NCOR2: variants seen among roughly 807,000 people sequenced by gnomAD.
NCOR2 encodes the protein nuclear receptor corepressor 2.
In NCOR2, 81 loss-of-function variants were observed where a neutral mutation model predicts 262.9. That is an observed-to-expected ratio of 0.31 (90% confidence interval 0.26 to 0.37). The LOEUF (loss-of-function observed/expected upper bound fraction) is 0.37. NCOR2 is among the 10% of genes least tolerant of loss of function. The probability of loss-of-function intolerance (pLI) is 1.00; values close to 1 mark genes in which losing one functional copy is unlikely to be tolerated. For synonymous variants in NCOR2, 1,659 were observed against 1,559.3 expected, an observed-to-expected ratio of 1.06 and a Z score of -1.51; for missense variants, 3,385 against 3,621.4, an observed-to-expected ratio of 0.93 and a Z score of 1.68.
rs370010899 is a variant in NCOR2 at position 124,473,109 on chromosome 12, A to C, written c.434T>G (p.Leu145Arg). 1.6e-5 allele frequency: 26 copies of C among 1,613,876 alleles called. No individual in the cohort carries two copies. The African/African-American group carries it at 2.9e-4, about 18-fold the overall frequency. Residue 145 changes from leucine (L) to arginine (R), a missense_variant, in exon 4 of 47, where the codon CTG becomes CGG. Transcript: ENST00000405201. ...GGGGCTGGGGGGAGACACCGGTTCCAGCTTGCCCGTCAGGCTACGGTCCTG... is the reference window on the plus strand; with the variant it reads ...GGGGCTGGGGGGAGACACCGGTTCCCGCTTGCCCGTCAGGCTACGGTCCTG...
In NCOR2 at chr12:124,482,443, G is replaced by A. The variant is rs772997273; in HGVS notation, c.411+1153C>T. 1.3e-5 allele frequency among the ~76,000 whole-genome samples: 2 copies of A among 152,154 alleles called. No homozygotes were observed. Among genetic ancestry groups the A allele is most frequent in the African/African-American group, 4.8e-5 (2 of 41,434 alleles). On this transcript the variant is annotated intron_variant, in intron 3 of 46. Transcript: ENST00000405201. The surrounding 1 kb of genome is among the most constrained non-coding windows in gnomAD (Gnocchi z 6.3). Reference sequence around the variant, plus strand: ...TATCCTCTCTCCCCGAGAGAAGGCCGAGTCTGGCCCAGGTGGCCTGGCCCC... The same window carrying A: ...TATCCTCTCTCCCCGAGAGAAGGCCAAGTCTGGCCCAGGTGGCCTGGCCCC...
intron 43 of NCOR2, among the ~76,000 whole-genome samples, 170 bp from the exon 46 acceptor site, chr12:124,331,068 T>C (rs1401723921): frequency 1.3e-5 from 2 of 151,036 alleles, no homozygotes; most frequent in African/African-American, 2.4e-5. Flanking sequence ...CATTTCTTTT[T>C]TTTTTTTTTT....
chr12:124,404,910 G>A (rs756285275), intron 13 of NCOR2, among the ~76,000 whole-genome samples: 8 of 152,230 alleles, frequency 5.3e-5, no homozygotes, highest in Non-Finnish European at 8.8e-5. Flanking sequence ...AGTGATCACT[G>A]GTCACATTCT....
chr12:124,417,086 G>GTCACTCCACGGAGAGCAGACCAGACAC (rs1565923825), intron 13 of NCOR2, among the ~76,000 whole-genome samples: 4,770 of 103,004 alleles, frequency 0.046, 504 homozygotes, highest in African/African-American at 0.11. Context: ...AGGCCGGACA[G>GTCACTCCACGGAGAGCAGACCAGACAC]TCACTCCACG....
rs199934660 is a variant in NCOR2 at position 124,429,619 on chromosome 12, C to A, written c.1143G>T (p.Glu381Asp). The A allele has an allele frequency of 3.9e-5, 63 of 1,603,480 alleles. No homozygotes were observed. The highest frequency in any genetic ancestry group is 4.9e-5 in the Non-Finnish European group (57 of 1,174,956). The change falls in exon 10 of 47, where the codon GAG becomes GAT. Residue 381 changes from glutamate to aspartate, a missense_variant. Glu to Asp is a conservative substitution (Grantham distance 45). Coordinates refer to ENST00000405201, the Ensembl canonical transcript of NCOR2. Reference sequence around the variant, plus strand: ...AGTCAGGGCCTGGACTCACCTCCTGCTCTGAGAGGCCATCGATGATCTCTG... The same window carrying A: ...AGTCAGGGCCTGGACTCACCTCCTGATCTGAGAGGCCATCGATGATCTCTG...
chr12:124,399,812 ACGCACAC>A (rs1565908685), intron 15 of NCOR2, among the ~76,000 whole-genome samples: 2 of 152,048 alleles, frequency 1.3e-5, no homozygotes, highest in Non-Finnish European at 2.9e-5. Context: ...GAGACAACAG[ACGCACAC>A]CGCTGCCCCC....
chr12:124,461,073 G>T (rs1277665485), intron 5 of NCOR2, among the ~76,000 whole-genome samples: 1 of 152,274 alleles, frequency 6.6e-6, no homozygotes, highest in Non-Finnish European at 1.5e-5. Context: ...TTCAGGCTGG[G>T]CTGCCACCTT....
At chr12:124,392,652 G>A (rs145487695) in intron 16 of NCOR2, among the ~76,000 whole-genome samples, 2 of 152,364 alleles carry the variant, frequency 1.3e-5, no homozygotes, top group Admixed American at 6.5e-5. Context: ...GCACACAGGC[G>A]CTCCTCTTTT....
In NCOR2 at chr12:124,532,638, G is replaced by A. The variant is rs1360141491; in HGVS notation, c.-118+2927C>T. Among the ~76,000 whole-genome samples, 4 of 152,192 alleles carry A rather than the reference G, an allele frequency of 2.6e-5. No individual in the cohort carries two copies. The East Asian group carries it at 5.8e-4, about 22-fold the overall frequency. Reference sequence around the variant, plus strand: ...GACAAAAAGCCCTTTTATCGTCCTCGGGTGGGCCACTGGCATGACAAGCAG... The same window carrying A: ...GACAAAAAGCCCTTTTATCGTCCTCAGGTGGGCCACTGGCATGACAAGCAG... On this transcript the variant is annotated intron_variant, in intron 1 of 46. Transcript: ENST00000404621.
intron 6 of NCOR2, among the ~76,000 whole-genome samples, chr12:124,452,405 A>G (rs1272381077): frequency 2.6e-5 from 4 of 152,208 alleles, no homozygotes; most frequent in Non-Finnish European, 5.9e-5. Flanking sequence ...GCCCCAATTT[A>G]AATGGTGCCT....
intron 1 of NCOR2, among the ~76,000 whole-genome samples, chr12:124,527,202 C>T (rs918461943): frequency 6.6e-6 from 1 of 152,150 alleles, no homozygotes; most frequent in Non-Finnish European, 1.5e-5. Flanking sequence ...ACAAACACGG[C>T]GCCCCGCACA....
chr12:124,566,411 A>G lies in NCOR2; in HGVS notation c.-165+897T>C, dbSNP rs2052239928. On this transcript the variant is annotated intron_variant, in intron 1 of 32. Coordinates refer to the NCOR2 transcript ENST00000458234. This position sits in a 1 kb window ranked among gnomAD's most constrained non-coding sequence, Gnocchi z 4.3. ...TTGGGCCCGGGCGACAGCAGCTCCC[A>G]GGTACAGCCTGTCTCTCCCTCCCGC... Among the ~76,000 whole-genome samples, 1 of 152,034 alleles carries G rather than the reference A, an allele frequency of 6.6e-6. No homozygotes were observed. The highest frequency in any genetic ancestry group is 1.5e-5 in the Non-Finnish European group (1 of 67,980).
chr12:124,367,889 T>C (rs1171821933), intron 20 of NCOR2, among the ~76,000 whole-genome samples: 12 of 152,228 alleles, frequency 7.9e-5, no homozygotes, highest in African/African-American at 2.9e-4. Flanking sequence ...CCACCTTGGC[T>C]TCCCAAAGTG....
chr12:124,459,621 T>A (rs1189196785), intron 5 of NCOR2, among the ~76,000 whole-genome samples: 1 of 151,992 alleles, frequency 6.6e-6, no homozygotes, highest in Non-Finnish European at 1.5e-5. Flanking sequence ...GGTACCAAAC[T>A]CCCATGACCT....
intron 1 of NCOR2, chr12:124,542,723 G>A (rs915335801): frequency 5.9e-5 from 9 of 152,308 alleles, no homozygotes; most frequent in African/African-American, 1.4e-4. Context: ...ACATGGAGGC[G>A]GCTCACCGCC....
intron 8 of NCOR2, 22 bp from the exon 11 acceptor site, chr12:124,430,809 T>C (rs2043865035): frequency 6.3e-7 from 1 of 1,581,702 alleles, no homozygotes; most frequent in Non-Finnish European, 8.6e-7. Context: ...CAGGGGGCAC[T>C]GCGGAAGATG....
intron 20 of NCOR2, among the ~76,000 whole-genome samples, chr12:124,369,121 G>A (rs535121522): frequency 7.2e-5 from 11 of 152,344 alleles, no homozygotes; most frequent in Admixed American, 5.2e-4. Flanking sequence ...CCTTACAGAT[G>A]AGAAAACTGA....
intron 1 of NCOR2, among the ~76,000 whole-genome samples, chr12:124,551,377 CCA>C (rs1315324261): frequency 6.6e-6 from 1 of 152,228 alleles, no homozygotes; most frequent in African/African-American, 2.4e-5. Flanking sequence ...ATCCACGTGT[CCA>C]CAGACAAGGC....
At chr12:124,461,945 C>T (rs1198051953) in intron 5 of NCOR2, among the ~76,000 whole-genome samples, 2 of 152,164 alleles carry the variant, frequency 1.3e-5, no homozygotes, top group East Asian at 1.9e-4. Context: ...GACTCATATA[C>T]GCTTATACAC....
Sources: allele counts gnomAD v4.1 joint callset (sites outside exome capture counted in the v4.1 genomes callset), GRCh38; gene constraint gnomAD v4.1.1; non-coding constraint Gnocchi (gnomAD v3.1); transcripts MANE v1.5; gene names NCBI Gene and HGNC (gene_info 2026-07-23, HGNC 2026-07-21).